PAX8: variants seen among roughly 807,000 people sequenced by gnomAD.
PAX8 encodes the protein paired box 8, also known as paired box protein Pax-8.
A neutral mutation model predicts 52.4 loss-of-function variants in PAX8; 15 were observed. The ratio of observed to expected loss-of-function variants is 0.29; its 90% confidence interval spans 0.19 to 0.44. The LOEUF is 0.44. Ranked by LOEUF, PAX8 falls within the 20% of genes least tolerant of loss-of-function variation. The pLI, the probability that PAX8 is intolerant of heterozygous loss-of-function variation, is 1.00. For missense variants in PAX8, 554 were observed against 602.5 expected, an observed-to-expected ratio of 0.92 and a Z score of 0.84; for synonymous variants, 284 against 249.7, an observed-to-expected ratio of 1.14 and a Z score of -1.29.
chr2:113,244,679 A>G, intron 3 of PAX8, 55 bp from the exon 4 acceptor site: 1 of 1,539,148 alleles, frequency 6.5e-7, no homozygotes, highest in East Asian at 2.2e-5. Context: ...GGGTCTTTAG[A>G]CAGGGATTTA....
chr2:113,239,085 T>C (rs1349828168), intron 7 of PAX8: 1 of 151,568 alleles, frequency 6.6e-6, no homozygotes, highest in Non-Finnish European at 1.5e-5. Context: ...TTTTTTTTTT[T>C]CAGATGGAGC....
At chr2:113,269,664 CA>C (rs1693332361) in intron 2 of PAX8, 1 of 152,166 alleles carries the variant, frequency 6.6e-6, no homozygotes. Context: ...TATTATTACC[CA>C]AAGTAGAAAA....
intron 2 of PAX8, chr2:113,250,668 C>T (rs977178633): frequency 6.6e-6 from 1 of 152,324 alleles, no homozygotes; most frequent in Non-Finnish European, 1.5e-5. Context: ...TCTTCATACT[C>T]CTCCAACATT....
intron 10 of PAX8, among the ~76,000 whole-genome samples, chr2:113,222,142 C>T (rs773791758): frequency 1.3e-5 from 2 of 152,132 alleles, no homozygotes; most frequent in Non-Finnish European, 1.5e-5. Flanking sequence ...ACCCTGGCCC[C>T]GTCCTTCCAC....
chr2:113,246,267 T>C (rs921407051), intron 3 of PAX8, among the ~76,000 whole-genome samples: 1 of 152,238 alleles, frequency 6.6e-6, no homozygotes, highest in Non-Finnish European at 1.5e-5. Context: ...CCCTGGTGAC[T>C]GTAATGTGCT....
At chr2:113,219,696 T>TA (rs1337617333) in intron 11 of PAX8, among the ~76,000 whole-genome samples, 1 of 152,196 alleles carries the variant, frequency 6.6e-6, no homozygotes, top group Non-Finnish European at 1.5e-5. Context: ...GGAGGGCAGT[T>TA]ACATTCTGGC....
chr2:113,258,090 C>T (rs1377807670), intron 2 of PAX8, among the ~76,000 whole-genome samples: 1 of 152,200 alleles, frequency 6.6e-6, no homozygotes, highest in East Asian at 1.9e-4. Flanking sequence ...AGCCAGACCC[C>T]GCCCTAAGAG....
intron 11 of PAX8, among the ~76,000 whole-genome samples, chr2:113,219,578 C>T (rs1434268602): frequency 6.6e-6 from 1 of 152,318 alleles, no homozygotes; most frequent in African/African-American, 2.4e-5. Context: ...TGTGGTGGAA[C>T]AAAAGATTTC....
intron 2 of PAX8, among the ~76,000 whole-genome samples, chr2:113,255,922 C>G (rs568589258): frequency 7.3e-4 from 111 of 152,066 alleles, no homozygotes; most frequent in African/African-American, 2.6e-3. Flanking sequence ...GACTCAGAGA[C>G]CCCATGAGAA....
chr2:113,238,697 T>C (rs933248640), intron 7 of PAX8: 4 of 152,194 alleles, frequency 2.6e-5, no homozygotes, highest in Non-Finnish European at 5.9e-5. Flanking sequence ...GCCAAGTAGC[T>C]TTAGTCTACT....
intron 3 of PAX8, 47 bp from the exon 4 acceptor site, chr2:113,244,671 G>C: frequency 6.4e-7 from 1 of 1,567,834 alleles, no homozygotes; most frequent in Admixed American, 1.7e-5. Context: ...AGCAGGTGGG[G>C]TCTTTAGACA....
intron 10 of PAX8, 23 bp downstream of exon 10, chr2:113,227,132 C>A: frequency 6.4e-7 from 1 of 1,564,946 alleles, no homozygotes; most frequent in African/African-American, 1.3e-5. Flanking sequence ...CAGTGCTCCC[C>A]TTCCTGCCGG....
At chr2:113,230,017 T>G (rs1222598639) in intron 9 of PAX8, among the ~76,000 whole-genome samples, 4 of 152,208 alleles carry the variant, frequency 2.6e-5, no homozygotes, top group Admixed American at 6.5e-5. Flanking sequence ...CTGAACCACG[T>G]CTTCCTGCCT....
intron 9 of PAX8, among the ~76,000 whole-genome samples, chr2:113,230,360 G>A (rs566262182): frequency 2.6e-5 from 4 of 152,218 alleles, no homozygotes; most frequent in Admixed American, 6.5e-5. Flanking sequence ...GAGTTCCAGG[G>A]CATATACTCC....
chr2:113,263,696 G>A (rs1692852774), intron 2 of PAX8, among the ~76,000 whole-genome samples: 1 of 152,122 alleles, frequency 6.6e-6, no homozygotes, highest in Non-Finnish European at 1.5e-5. Flanking sequence ...CTGGGAGGAG[G>A]AGGCACAGTG....
intron 10 of PAX8, among the ~76,000 whole-genome samples, chr2:113,222,625 C>T (rs1170242881): frequency 6.6e-6 from 1 of 152,286 alleles, no homozygotes; most frequent in Middle Eastern, 3.4e-3. Flanking sequence ...CCAATGATCC[C>T]GTTTTCTGTT....
At position 113,236,669 on chromosome 2, in the gene PAX8, G is replaced by T; in HGVS notation, c.830C>A (p.Thr277Asn). The T allele has an allele frequency of 6.3e-7, 1 of 1,593,740 alleles. No individual in the cohort carries two copies. Among genetic ancestry groups the T allele is most frequent in the Non-Finnish European group, 8.5e-7 (1 of 1,170,504 alleles). Residue 277 changes from threonine to asparagine, a missense_variant, in exon 8 of 12, where the codon ACC becomes AAC. Around this residue, in one of 2 missense-constraint regions of PAX8, gnomAD observed 445 missense variants for 409.9 expected, o/e 1.09. Coordinates refer to ENST00000429538, the MANE Select transcript of PAX8 (RefSeq NM_003466.4). ...LNSTLDDGKA[T>N]LTPSNTPLGR... ...CAGTGGCGTGTTGGAAGGGGTCAGG[G>T]TGGCCTTCCCGTCGTCCAGGGTGCT... is the stretch of plus-strand genomic sequence containing the variant.
intron 6 of PAX8, 118 bp from the exon 7 acceptor site, chr2:113,241,844 C>A (rs1415532503): frequency 1.4e-6 from 2 of 1,463,858 alleles, no homozygotes; most frequent in Non-Finnish European, 1.9e-6. Context: ...GGGCCAGCCA[C>A]GTGGGCCCAG....
chr2:113,261,699 C>T (rs1200232542), intron 2 of PAX8, among the ~76,000 whole-genome samples: 1 of 152,230 alleles, frequency 6.6e-6, no homozygotes, highest in Non-Finnish European at 1.5e-5. Flanking sequence ...GACCTAAATC[C>T]CTGTCTTAGC....
Sources: allele counts gnomAD v4.1 joint callset (sites outside exome capture counted in the v4.1 genomes callset), GRCh38; gene constraint gnomAD v4.1.1; regional missense constraint gnomAD v4.1.1; transcripts MANE v1.5; gene names NCBI Gene and HGNC (gene_info 2026-07-23, HGNC 2026-07-21).